The following PCDHA11 variants were observed in gnomAD, a reference collection of about 807,000 sequenced individuals.
PCDHA11 encodes protocadherin alpha-11.
In PCDHA11, 61 loss-of-function variants were observed where a neutral mutation model predicts 70.3. The observed-to-expected ratio is 0.87, with a 90% confidence interval of 0.71 to 1.07. The LOEUF (loss-of-function observed/expected upper bound fraction) is 1.07. Ranked by LOEUF, PCDHA11 falls within the 50% of genes least tolerant of loss-of-function variation. The probability of loss-of-function intolerance (pLI) is 0.00; values close to 1 mark genes in which losing one functional copy is unlikely to be tolerated. For synonymous variants in PCDHA11, 633 were observed against 555.1 expected, an observed-to-expected ratio of 1.14 and a Z score of -1.97; for missense variants, 1,324 against 1,237.5, an observed-to-expected ratio of 1.07 and a Z score of -1.05.
intron 3 of PCDHA11, among the ~76,000 whole-genome samples, chr5:141,003,969 G>A (rs781827494): frequency 2.0e-5 from 3 of 152,158 alleles, no homozygotes; most frequent in Non-Finnish European, 4.4e-5. Flanking sequence ...GAGCATAAGG[G>A]AGGGGACTTG....
At chr5:140,977,342 T>A (rs1554238451) in intron 1 of PCDHA11, among the ~76,000 whole-genome samples, 1 of 152,222 alleles carries the variant, frequency 6.6e-6, no homozygotes, top group South Asian at 2.1e-4. Context: ...GAGACGGTGA[T>A]GATGACTGAT....
At chr5:140,916,978 C>T (rs907014572) in intron 1 of PCDHA11, among the ~76,000 whole-genome samples, 13 of 152,270 alleles carry the variant, frequency 8.5e-5, no homozygotes, top group South Asian at 2.1e-4. Context: ...ATGAGTGATT[C>T]GCCTCTGGCC....
intron 1 of PCDHA11, among the ~76,000 whole-genome samples, chr5:140,937,332 C>T (rs1003482242): frequency 6.3e-4 from 96 of 152,212 alleles, no homozygotes; most frequent in African/African-American, 2.0e-3. Context: ...CCACCGCGCC[C>T]GGCTTCTTCC....
In PCDHA11 at chr5:141,009,945, A is replaced by C. The variant is rs2098415489; in HGVS notation, c.*8A>C. 5.0e-6 allele frequency: 8 copies of C among 1,596,112 alleles called. No homozygotes were observed. The highest frequency in any genetic ancestry group is 6.8e-6 in the Non-Finnish European group (8 of 1,173,736). On this transcript the variant is annotated 3_prime_UTR_variant, in exon 4 of 4. Coordinates refer to ENST00000398640, the MANE Select transcript of PCDHA11 (RefSeq NM_018902.5). ...GACAACAGTGACCAGTGAGGTCCTCAAATGGAAACAAGCCACTTAGCCAGT... is the reference window on the plus strand; with the variant it reads ...GACAACAGTGACCAGTGAGGTCCTCCAATGGAAACAAGCCACTTAGCCAGT...
chr5:140,992,377 A>T (rs1258714441), intron 3 of PCDHA11, among the ~76,000 whole-genome samples: 1 of 152,150 alleles, frequency 6.6e-6, no homozygotes, highest in African/African-American at 2.4e-5. Flanking sequence ...CCATTACATT[A>T]TTGTGTTCTG....
At position 140,870,944 on chromosome 5, in the gene PCDHA11, C is replaced by G; in HGVS notation, c.1841C>G (p.Ala614Gly). Reference protein sequence around the residue: ...AWLSYELQPAAGGSRIPFRVG... With the variant: ...AWLSYELQPAGGGSRIPFRVG... ...CTTTCATATGAATTGCAGCCGGCGG[C>G]GGGCGGCTCGCGCATCCCGTTCCGC... Residue 614 changes from alanine (A) to glycine (G), a missense_variant, in exon 1 of 4, where the codon GCG becomes GGG. Physicochemically the swap from Ala to Gly is moderately conservative, Grantham distance 60 (BLOSUM62 0). Coordinates refer to ENST00000398640, the MANE Select transcript of PCDHA11 (RefSeq NM_018902.5). 1 of 1,613,658 alleles carries G rather than the reference C, an allele frequency of 6.2e-7. No individual in the cohort carries two copies. Among genetic ancestry groups the G allele is most frequent in the Middle Eastern group, 1.7e-4 (1 of 6,060 alleles).
intron 3 of PCDHA11, among the ~76,000 whole-genome samples, chr5:140,996,686 T>G (rs1447702915): frequency 2.6e-5 from 4 of 152,214 alleles, no homozygotes; most frequent in Non-Finnish European, 5.9e-5. Flanking sequence ...TGGGCTAGTA[T>G]TCTTCTGAAC....
intron 1 of PCDHA11, among the ~76,000 whole-genome samples, chr5:140,899,342 C>T (rs1317774028): frequency 6.6e-6 from 1 of 152,044 alleles, no homozygotes; most frequent in African/African-American, 2.4e-5. Context: ...ATAGATAGCT[C>T]TTATTATTTT....
intron 1 of PCDHA11, among the ~76,000 whole-genome samples, chr5:140,953,962 T>C (rs2153701012): frequency 6.6e-6 from 1 of 152,196 alleles, no homozygotes; most frequent in Admixed American, 6.5e-5. Flanking sequence ...CAGGCCCCAG[T>C]GTGTGTTGTT....
At chr5:141,002,491 A>G (rs1244268735) in intron 3 of PCDHA11, among the ~76,000 whole-genome samples, 1 of 152,214 alleles carries the variant, frequency 6.6e-6, no homozygotes, top group Non-Finnish European at 1.5e-5. Flanking sequence ...TGACCTTGTT[A>G]TACAGCTCAG....
chr5:140,926,880 G>A lies in PCDHA11; in HGVS notation c.2392-52069G>A. 4 of 1,534,946 alleles carry A rather than the reference G, an allele frequency of 2.6e-6. No homozygotes were observed. The South Asian group carries it at 3.8e-5, about 15-fold the overall frequency. On this transcript the variant is annotated intron_variant, in intron 1 of 3. Transcript: ENST00000398640. ...TGTAGCGTGTTGGTGGAACGTGGAC[G>A]CCTAGAGGGAGGATGGTGGGCTGTG...
intron 1 of PCDHA11, chr5:140,969,495 C>G: frequency 7.0e-7 from 1 of 1,437,888 alleles, no homozygotes; most frequent in Non-Finnish European, 9.2e-7. Context: ...TATTTCCTCT[C>G]TAGAAAAATA....
rs1554169498 is a variant in PCDHA11 at position 140,877,227 on chromosome 5, G to A, written c.2391+5733G>A. On this transcript the variant is annotated intron_variant, in intron 1 of 3. Transcript: ENST00000398640. ...TTAGCGAGTTGGTACCGCGGTCGGT[G>A]GGTGCGGGCCACGTGGTGGCGAAAG... The A allele has an allele frequency of 1.9e-6, 3 of 1,613,738 alleles. No homozygotes were observed. The South Asian group carries it at 3.3e-5, about 18-fold the overall frequency.
intron 1 of PCDHA11, among the ~76,000 whole-genome samples, chr5:140,917,333 G>GC (rs1401985588): frequency 2.7e-5 from 4 of 148,632 alleles, no homozygotes; most frequent in African/African-American, 7.4e-5. Flanking sequence ...GCGGGGGAGG[G>GC]GGGGGATGGT....
intron 1 of PCDHA11, chr5:140,927,627 T>G (rs145171269): frequency 6.2e-7 from 1 of 1,614,180 alleles, no homozygotes; most frequent in Non-Finnish European, 8.5e-7. Context: ...TTCCAGAGAC[T>G]GCACCCAATG....
intron 1 of PCDHA11, among the ~76,000 whole-genome samples, chr5:140,945,407 T>G (rs554073823): frequency 6.6e-6 from 1 of 152,128 alleles, no homozygotes; most frequent in Non-Finnish European, 1.5e-5. Context: ...ATACAATTCG[T>G]ATCAAAATTT....
At chr5:140,981,223 T>C (rs1472733562) in intron 2 of PCDHA11, among the ~76,000 whole-genome samples, 2 of 152,234 alleles carry the variant, frequency 1.3e-5, no homozygotes, top group Non-Finnish European at 2.9e-5. Context: ...CTTTAGTCAG[T>C]AGTCTAAATT....
chr5:140,941,961 T>A (rs150142414), intron 1 of PCDHA11, among the ~76,000 whole-genome samples: 2 of 152,214 alleles, frequency 1.3e-5, no homozygotes, highest in African/African-American at 4.8e-5. Flanking sequence ...AACAATAGTA[T>A]CTTTACTTTC....
intron 3 of PCDHA11, among the ~76,000 whole-genome samples, chr5:140,990,006 G>T (rs1249732911): frequency 1.3e-5 from 2 of 152,116 alleles, no homozygotes; most frequent in Non-Finnish European, 2.9e-5. Flanking sequence ...ATCTCCAAGG[G>T]CGTGGGCTAG....
Sources: gnomAD v4.1 joint callset for allele counts (sites outside exome capture counted in the v4.1 genomes callset) on GRCh38, gnomAD v4.1.1 for gene constraint, MANE v1.5 for transcripts, NCBI Gene and HGNC (gene_info 2026-07-23, HGNC 2026-07-21) for gene names.